Variants in EHMT1 observed in about 807,000 individuals in gnomAD.
The protein encoded by EHMT1 is euchromatic histone lysine methyltransferase 1.
EHMT1 carries 15 observed loss-of-function variants against 147.2 expected under a neutral mutation model. The observed-to-expected ratio is 0.10, with a 90% CI of 0.07 to 0.16. The LOEUF (loss-of-function observed/expected upper bound fraction) is 0.16. EHMT1 is among the 10% of genes least tolerant of loss of function. The probability of loss-of-function intolerance (pLI) is 1.00; values close to 1 mark genes in which losing one functional copy is unlikely to be tolerated. For synonymous variants in EHMT1, 795 were observed against 709.6 expected (o/e 1.12, Z -1.91); for missense variants, 1,587 against 1,772.4 (o/e 0.90, Z 1.88).
chr9:137,711,316 G>A (rs1161474393), intron 2 of EHMT1, among the ~76,000 whole-genome samples: 1 of 152,184 alleles, frequency 6.6e-6, no homozygotes, highest in African/African-American at 2.4e-5. Flanking sequence ...CCACACAAAT[G>A]TTTATAGCAG....
intron 3 of EHMT1, among the ~76,000 whole-genome samples, chr9:137,721,945 A>C (rs1446715261): frequency 6.7e-6 from 1 of 148,406 alleles, no homozygotes; most frequent in African/African-American, 2.5e-5. Context: ...GTGTGTGATA[A>C]CTCTTCACCT....
chr9:137,834,373 G>A lies in EHMT1; in HGVS notation c.3565G>A (p.Ala1189Thr). The change falls in exon 26 of 27, where the codon GCG (alanine) becomes ACG (threonine). Residue 1189 changes from alanine (A) to threonine (T), a missense_variant. Physicochemically the swap from Ala to Thr is moderately conservative, Grantham distance 58. Around this residue, in one of 7 missense-constraint regions of EHMT1, gnomAD observed 156 missense variants for 252.5 expected, o/e 0.62. Transcript: ENST00000460843. ...GGACGGGGAGGTTTACTGCATCGAC[G>A]CGCGGTTCTACGGGAACGTCAGCCG... ...NKDGEVYCID[A>T]RFYGNVSRFI... The A allele has an allele frequency of 6.2e-7, 1 of 1,613,166 alleles. No homozygotes were observed. Among genetic ancestry groups the A allele is most frequent in the Non-Finnish European group, 8.5e-7 (1 of 1,179,780 alleles).
At chr9:137,620,272 A>G (rs1330800080) in intron 1 of EHMT1, among the ~76,000 whole-genome samples, 1 of 152,134 alleles carries the variant, frequency 6.6e-6, no homozygotes, top group African/African-American at 2.4e-5. Context: ...CTTGTAGGGG[A>G]GAAGACGTGT....
intron 1 of EHMT1, among the ~76,000 whole-genome samples, chr9:137,669,336 G>GCACTC (rs1564562348): frequency 2.4e-3 from 53 of 22,078 alleles, no homozygotes; most frequent in Middle Eastern, 0.028. Flanking sequence ...CACAGCACGT[G>GCACTC]GACCCCACAC....
At chr9:137,652,811 C>T (rs919956172) in intron 1 of EHMT1, among the ~76,000 whole-genome samples, 11 of 151,634 alleles carry the variant, frequency 7.3e-5, no homozygotes, top group East Asian at 1.9e-4. Context: ...CCGCAACCTC[C>T]GCCTCCCAGG....
chr9:137,716,586 C>T (rs376104077), intron 2 of EHMT1, 40 bp from the exon 3 acceptor site: 224 of 1,524,458 alleles, frequency 1.5e-4, no homozygotes, highest in Middle Eastern at 4.2e-4. Flanking sequence ...CCATGGAGAG[C>T]GTGGCCTGCA....
At chr9:137,821,108 C>CA (rs1363143032) in intron 25 of EHMT1, among the ~76,000 whole-genome samples, 2 of 152,192 alleles carry the variant, frequency 1.3e-5, no homozygotes, top group African/African-American at 4.8e-5. Context: ...GATCTCCTGA[C>CA]ATCGTAATCT....
intron 1 of EHMT1, among the ~76,000 whole-genome samples, chr9:137,656,822 CCTCTGT>C (rs1264887871): frequency 2.6e-5 from 4 of 152,156 alleles, no homozygotes; most frequent in Non-Finnish European, 5.9e-5. Flanking sequence ...CTCACTGCAA[CCTCTGT>C]CTCCCAGGTT....
intron 1 of EHMT1, among the ~76,000 whole-genome samples, chr9:137,662,575 C>T (rs1359273815): frequency 2.6e-5 from 4 of 152,174 alleles, no homozygotes; most frequent in African/African-American, 9.7e-5. Context: ...TCTCAGCTCA[C>T]TGCAACCTCC....
chr9:137,619,123 C>A, intron 1 of EHMT1, 74 bp downstream of exon 1: 1 of 388,190 alleles, frequency 2.6e-6, no homozygotes, highest in Non-Finnish European at 3.5e-6. Flanking sequence ...GGCGAAGAAC[C>A]GGGCGGGGCG....
intron 1 of EHMT1, among the ~76,000 whole-genome samples, chr9:137,705,940 C>T (rs1158007332): frequency 6.6e-6 from 1 of 152,208 alleles, no homozygotes; most frequent in African/African-American, 2.4e-5. Flanking sequence ...TGCAGTGCCT[C>T]CCTCTCCTGG....
Position 137,786,728 on chromosome 9 carries a change from G to A in EHMT1, c.2383-4120G>A, listed in dbSNP as rs370134742. The A allele has an allele frequency of 1.8e-4, 27 of 153,916 alleles. No homozygotes were observed. In the South Asian group the frequency reaches 5.3e-3, roughly 30 times the overall value. The allele number at this position is 153,916 out of a possible 1,614,324, so 9.5% of individuals were successfully genotyped here. Reference sequence around the variant, plus strand: ...TCTCCCCTGGGCTCCCATCTTGGCCGTGTGGCCTCATCTCTCCCGGGCTCC... The same window carrying A: ...TCTCCCCTGGGCTCCCATCTTGGCCATGTGGCCTCATCTCTCCCGGGCTCC... On this transcript the variant is annotated intron_variant, in intron 15 of 26. Transcript: ENST00000460843. The surrounding 1 kb of genome is among the most constrained non-coding windows in gnomAD (Gnocchi z 4.3).
chr9:137,713,623 C>A (rs534582417), intron 2 of EHMT1, among the ~76,000 whole-genome samples: 1 of 151,056 alleles, frequency 6.6e-6, no homozygotes, highest in African/African-American at 2.4e-5. Context: ...TTTAAAAATT[C>A]TTTTTCATTT....
intron 25 of EHMT1, among the ~76,000 whole-genome samples, chr9:137,818,608 G>A (rs1461343608): frequency 7.0e-5 from 7 of 100,244 alleles, no homozygotes; most frequent in Non-Finnish European, 1.2e-4. Context: ...GCCATGTACC[G>A]AGACCGTAGA....
intron 1 of EHMT1, among the ~76,000 whole-genome samples, chr9:137,691,415 T>G (rs1479916559): frequency 6.6e-6 from 1 of 151,718 alleles, no homozygotes; most frequent in African/African-American, 2.4e-5. Context: ...TGAGCTCAAG[T>G]GATCTGCCCG....
intron 1 of EHMT1, among the ~76,000 whole-genome samples, chr9:137,629,812 G>C (rs976996374): frequency 1.3e-5 from 2 of 152,188 alleles, no homozygotes; most frequent in Non-Finnish European, 2.9e-5. Context: ...TTATAGGCAT[G>C]AGCCACCGCA....
intron 10 of EHMT1, among the ~76,000 whole-genome samples, chr9:137,769,058 C>T (rs988790206): frequency 6.6e-6 from 1 of 152,100 alleles, no homozygotes; most frequent in African/African-American, 2.4e-5. Flanking sequence ...ATTATTTGAA[C>T]TTTTTTCTAA....
At chr9:137,806,597 G>A (rs1041946968) in intron 18 of EHMT1, among the ~76,000 whole-genome samples, 3 of 151,872 alleles carry the variant, frequency 2.0e-5, no homozygotes, top group Admixed American at 6.6e-5. Context: ...CACCACGCCC[G>A]GGAAATTTTT....
At chr9:137,629,278 G>A (rs1843463955) in intron 1 of EHMT1, among the ~76,000 whole-genome samples, 1 of 151,486 alleles carries the variant, frequency 6.6e-6, no homozygotes, top group Non-Finnish European at 1.5e-5. Flanking sequence ...TTTTAGTAGA[G>A]ATGGGATTTC....
Sources: gnomAD v4.1 joint callset for allele counts (sites outside exome capture counted in the v4.1 genomes callset) on GRCh38, gnomAD v4.1.1 for gene constraint, gnomAD v4.1.1 regional missense constraint, Gnocchi (gnomAD v3.1) non-coding constraint, MANE v1.5 for transcripts, NCBI Gene and HGNC (gene_info 2026-07-23, HGNC 2026-07-21) for gene names.